The following GPHN variants were observed in gnomAD, a reference collection of about 807,000 sequenced individuals.
GPHN encodes gephyrin.
A neutral mutation model predicts 95.5 loss-of-function variants in GPHN; 17 were observed. The ratio of observed to expected loss-of-function variants is 0.18; its 90% CI spans 0.12 to 0.27. GPHN has a LOEUF of 0.27. Ranked by LOEUF, GPHN falls within the 10% of genes least tolerant of loss-of-function variation. The pLI is 1.00. For missense variants in GPHN, 660 were observed against 978.1 expected, an observed-to-expected ratio of 0.67 and a Z score of 4.34; for synonymous variants, 320 against 322.5, an observed-to-expected ratio of 0.99 and a Z score of 0.08.
At chr14:67,730,312 C>T in the GPHN span, among the ~76,000 whole-genome samples, 2 of 152,210 alleles carry the variant, frequency 1.3e-5, no homozygotes, top group Non-Finnish European at 2.9e-5. Context: ...CCACTAGCCA[C>T]ATGTTGCTAT....
chr14:66,655,934 A>G (rs1369033399), intron 1 of GPHN, among the ~76,000 whole-genome samples: 1 of 152,148 alleles, frequency 6.6e-6, no homozygotes. Flanking sequence ...CCTTGCATAC[A>G]TGGAATAAGC....
chr14:66,555,394 G>A (rs936100751), intron 1 of GPHN, among the ~76,000 whole-genome samples: 2 of 152,110 alleles, frequency 1.3e-5, no homozygotes, highest in Admixed American at 1.3e-4. Context: ...GATGTCTACA[G>A]TTTATCACTG....
At chr14:66,648,189 A>AT (rs577817227) in intron 1 of GPHN, among the ~76,000 whole-genome samples, 76 of 152,204 alleles carry the variant, frequency 5.0e-4, no homozygotes, top group Non-Finnish European at 8.7e-4. Context: ...TGGGGTAGAT[A>AT]TTTTTTTAAA....
intron 8 of GPHN, among the ~76,000 whole-genome samples, chr14:66,957,560 A>G (rs1302137100): frequency 6.6e-6 from 1 of 152,102 alleles, no homozygotes; most frequent in Non-Finnish European, 1.5e-5. Flanking sequence ...ATACACTGTA[A>G]GGTTTCAATC....
chr14:66,531,854 A>G (rs1476203137), intron 1 of GPHN, among the ~76,000 whole-genome samples: 8 of 152,202 alleles, frequency 5.3e-5, no homozygotes, highest in Admixed American at 4.6e-4. Context: ...AGGGTTTTCA[A>G]AACTTTTTTA....
At chr14:67,403,645 A>T in the GPHN span, among the ~76,000 whole-genome samples, 1 of 152,254 alleles carries the variant, frequency 6.6e-6, no homozygotes, top group South Asian at 2.1e-4. Flanking sequence ...AAAACTGATG[A>T]CAAAAGATGT....
At chr14:67,191,297 T>C in the GPHN span, among the ~76,000 whole-genome samples, 3 of 152,122 alleles carry the variant, frequency 2.0e-5, no homozygotes, top group Non-Finnish European at 4.4e-5. Flanking sequence ...AGAATCCAGG[T>C]AGTTGGTTTC....
At chr14:67,394,900 C>G in the GPHN span, among the ~76,000 whole-genome samples, 714 of 152,218 alleles carry the variant, frequency 4.7e-3, 6 homozygotes, top group African/African-American at 0.016. Context: ...ATGCTCAGCC[C>G]CCTCACTGTG....
At chr14:67,680,530 C>A in the GPHN span, among the ~76,000 whole-genome samples, 1 of 152,082 alleles carries the variant, frequency 6.6e-6, no homozygotes, top group Non-Finnish European at 1.5e-5. Flanking sequence ...GTGGTGTGAT[C>A]GCAGCTCACT....
At chr14:67,240,506 A>T in the GPHN span, among the ~76,000 whole-genome samples, 11 of 152,232 alleles carry the variant, frequency 7.2e-5, no homozygotes, top group Non-Finnish European at 1.5e-4. Flanking sequence ...GCCTCATAGA[A>T]GGAGAGGTCG....
the GPHN span, chr14:67,571,961 A>G: frequency 4.5e-6 from 7 of 1,547,088 alleles, no homozygotes; most frequent in Non-Finnish European, 6.1e-6. Context: ...ACCTCTTCCC[A>G]TGGGCACTTG....
chr14:66,617,425 C>T (rs971158084), intron 1 of GPHN, among the ~76,000 whole-genome samples: 2 of 152,172 alleles, frequency 1.3e-5, no homozygotes, highest in Non-Finnish European at 2.9e-5. Flanking sequence ...GGGTGGAATG[C>T]TCACTCACTG....
At chr14:66,997,881 G>T (rs987127938) in intron 9 of GPHN, among the ~76,000 whole-genome samples, 3 of 152,146 alleles carry the variant, frequency 2.0e-5, no homozygotes, top group African/African-American at 7.2e-5. Flanking sequence ...GAAAGAGAAG[G>T]TTGGTATCAT....
chr14:67,663,346 G>A, the GPHN span, among the ~76,000 whole-genome samples: 2 of 152,076 alleles, frequency 1.3e-5, no homozygotes, highest in Admixed American at 1.3e-4. Context: ...TTAAATAAAT[G>A]TATTTTACAT....
At chr14:67,234,929 G>C in the GPHN span, among the ~76,000 whole-genome samples, 1 of 150,348 alleles carries the variant, frequency 6.7e-6, no homozygotes, top group Non-Finnish European at 1.5e-5. Flanking sequence ...GCTGAGATGG[G>C]TGGATCACCT....
the GPHN span, among the ~76,000 whole-genome samples, chr14:67,274,784 C>T: frequency 2.6e-5 from 4 of 152,116 alleles, no homozygotes; most frequent in African/African-American, 9.7e-5. Context: ...TGTTTGTGTC[C>T]TCTTTTACTT....
chr14:66,788,986 A>C (rs1197989054), intron 3 of GPHN, among the ~76,000 whole-genome samples: 2 of 152,196 alleles, frequency 1.3e-5, no homozygotes, highest in Non-Finnish European at 2.9e-5. Flanking sequence ...AATCAGTTTG[A>C]CCAGAAGGTA....
chr14:67,395,566 C>A, the GPHN span: 3 of 1,614,154 alleles, frequency 1.9e-6, no homozygotes, highest in South Asian at 3.3e-5. Context: ...ATGTTTGAGT[C>A]TTCAGCTTAA....
At chr14:66,645,345 A>C (rs1323665455) in intron 1 of GPHN, among the ~76,000 whole-genome samples, 1 of 152,128 alleles carries the variant, frequency 6.6e-6, no homozygotes, top group African/African-American at 2.4e-5. Flanking sequence ...TTTGCTTATA[A>C]TACATCACAA....
Sources: gnomAD v4.1 joint callset for allele counts (sites outside exome capture counted in the v4.1 genomes callset) on GRCh38, gnomAD v4.1.1 for gene constraint, MANE v1.5 for transcripts, NCBI Gene and HGNC (gene_info 2026-07-23, HGNC 2026-07-21) for gene names.